Variants in SLC16A7 observed in about 807,000 individuals in gnomAD.
SLC16A7 encodes the protein solute carrier family 16 member 7.
In SLC16A7, 33 loss-of-function variants were observed where a neutral mutation model predicts 34.9. The observed-to-expected ratio is 0.94, with a 90% CI of 0.72 to 1.26. The LOEUF is 1.26. Among genes scored for constraint, SLC16A7 ranks in the 50% most tolerant of loss-of-function variants. The pLI is 0.00. For synonymous variants in SLC16A7, 201 were observed against 206.6 expected (o/e 0.97, Z 0.23); for missense variants, 573 against 578.1 (o/e 0.99, Z 0.09).
chr12:59,751,944 T>C (rs947337675), intron 3 of SLC16A7, among the ~76,000 whole-genome samples: 5 of 152,096 alleles, frequency 3.3e-5, no homozygotes, highest in African/African-American at 1.2e-4. Context: ...GCATTAGCGG[T>C]TCACGAAAAT....
chr12:59,694,349 A>C (rs1196470925), intron 2 of SLC16A7, among the ~76,000 whole-genome samples: 3 of 151,940 alleles, frequency 2.0e-5, no homozygotes, highest in African/African-American at 7.2e-5. Context: ...TTTTAAAAAA[A>C]CTTTTAAACC....
intron 3 of SLC16A7, among the ~76,000 whole-genome samples, chr12:59,707,502 C>T (rs1277598276): frequency 4.0e-5 from 6 of 151,744 alleles, no homozygotes; most frequent in Non-Finnish European, 7.4e-5. Context: ...TTATTTTATT[C>T]ATACTTATTT....
chr12:59,761,192 A>C, intron 3 of SLC16A7: 1 of 1,264,924 alleles, frequency 7.9e-7, no homozygotes, highest in Non-Finnish European at 1.0e-6. Flanking sequence ...CTCAATCAGG[A>C]TCATGCCTAG....
chr12:59,750,319 G>C (rs577569210), intron 3 of SLC16A7, among the ~76,000 whole-genome samples: 2 of 152,030 alleles, frequency 1.3e-5, no homozygotes, highest in East Asian at 3.9e-4. Context: ...CTATCCATCC[G>C]ACAAAGGGCT....
intron 3 of SLC16A7, among the ~76,000 whole-genome samples, chr12:59,765,367 T>C (rs896783336): frequency 1.3e-5 from 2 of 152,248 alleles, no homozygotes; most frequent in African/African-American, 4.8e-5. Flanking sequence ...TTGGCTTTTG[T>C]TGCCGTTGCT....
At chr12:59,688,619 G>C (rs1871335022) in intron 2 of SLC16A7, among the ~76,000 whole-genome samples, 1 of 152,070 alleles carries the variant, frequency 6.6e-6, no homozygotes, top group African/African-American at 2.4e-5. Flanking sequence ...ATCAGCAAAT[G>C]TTATTTATAT....
intron 3 of SLC16A7, among the ~76,000 whole-genome samples, chr12:59,754,259 A>T (rs1244245340): frequency 6.6e-6 from 1 of 152,184 alleles, no homozygotes; most frequent in African/African-American, 2.4e-5. Flanking sequence ...CTAAAATCAG[A>T]GCAGAACTGA....
chr12:59,672,195 TATATAC>T (rs1869910217), intron 2 of SLC16A7, among the ~76,000 whole-genome samples: 1 of 52,650 alleles, frequency 1.9e-5, no homozygotes, highest in Non-Finnish European at 4.6e-5. Context: ...TATATACGTA[TATATAC>T]ATATATACGT....
At position 59,678,791 on chromosome 12, in the gene SLC16A7, T is replaced by G. The variant is rs546412244; in HGVS notation, c.-31+23541T>G. On this transcript the variant is annotated intron_variant, in intron 2 of 5. Coordinates refer to ENST00000547379, the MANE Select transcript of SLC16A7 (RefSeq NM_001270623.2). ...TCCCTTTCTGCCCAGGAGTCTGTCT[T>G]CTGAAGCTGTTCATGATGCACAGGC... Among the ~76,000 whole-genome samples, 150 of 152,244 alleles carry G rather than the reference T, an allele frequency of 9.9e-4. 1 individual carries two copies. The highest frequency in any genetic ancestry group is 2.8e-3 in the African/African-American group (117 of 41,566).
At chr12:59,754,328 T>G (rs1254623886) in intron 3 of SLC16A7, among the ~76,000 whole-genome samples, 8 of 152,012 alleles carry the variant, frequency 5.3e-5, no homozygotes, top group Admixed American at 5.2e-4. Context: ...GCCGGTTTTT[T>G]GAAAGGATCA....
chr12:59,613,173 G>A (rs1168181956), intron 1 of SLC16A7, among the ~76,000 whole-genome samples: 1 of 152,254 alleles, frequency 6.6e-6, no homozygotes, highest in African/African-American at 2.4e-5. Context: ...TATGGTGGAA[G>A]GGGAAGCAAA....
At chr12:59,764,838 G>A (rs922703846) in intron 3 of SLC16A7, among the ~76,000 whole-genome samples, 6 of 152,072 alleles carry the variant, frequency 3.9e-5, no homozygotes, top group African/African-American at 7.2e-5. Flanking sequence ...AATCCTTTGG[G>A]TATATACCCA....
At chr12:59,752,378 A>G (rs1879690959) in intron 3 of SLC16A7, among the ~76,000 whole-genome samples, 1 of 152,178 alleles carries the variant, frequency 6.6e-6, no homozygotes, top group Non-Finnish European at 1.5e-5. Flanking sequence ...ACGAATGTAT[A>G]ACTAGAATAA....
chr12:59,652,489 A>G (rs1392361853), intron 1 of SLC16A7, among the ~76,000 whole-genome samples: 2 of 151,964 alleles, frequency 1.3e-5, no homozygotes, highest in Non-Finnish European at 1.5e-5. Context: ...AGAGTATTCT[A>G]TTAAAATAGC....
chr12:59,740,261 A>G (rs1438552374), intron 3 of SLC16A7, among the ~76,000 whole-genome samples: 1 of 151,900 alleles, frequency 6.6e-6, no homozygotes, highest in Non-Finnish European at 1.5e-5. Context: ...CTTTCTACAT[A>G]TGGCTAGCCA....
chr12:59,702,431 T>C (rs944306244), intron 2 of SLC16A7, among the ~76,000 whole-genome samples: 1 of 152,038 alleles, frequency 6.6e-6, no homozygotes, highest in African/African-American at 2.4e-5. Flanking sequence ...GCTGTACACA[T>C]GCTGAAAACA....
chr12:59,777,165 G>A (rs1368772536), intron 5 of SLC16A7, among the ~76,000 whole-genome samples: 1 of 152,176 alleles, frequency 6.6e-6, no homozygotes, highest in Non-Finnish European at 1.5e-5. Flanking sequence ...ATTTTTGAAT[G>A]CTTATTGTGT....
intron 3 of SLC16A7, among the ~76,000 whole-genome samples, chr12:59,724,818 G>T (rs1019584329): frequency 6.6e-6 from 1 of 151,852 alleles, no homozygotes; most frequent in Non-Finnish European, 1.5e-5. Context: ...TAAAAATTAG[G>T]ATGTATATGG....
rs138132258 is a variant in SLC16A7, at chr12:59,613,004, G to A, written c.-130+16768G>A. ...CCAAAGTCGCTTCCACATATTTGGGGATCTTTACAGCAGCACCCCACTCCT... is the reference window on the plus strand; with the variant it reads ...CCAAAGTCGCTTCCACATATTTGGGAATCTTTACAGCAGCACCCCACTCCT... On this transcript the variant is annotated intron_variant, in intron 1 of 5. Transcript: ENST00000547379. Among the ~76,000 whole-genome samples, 313 of 152,272 alleles carry A rather than the reference G, an allele frequency of 2.1e-3. 1 individual carries two copies. Among genetic ancestry groups the A allele is most frequent in the South Asian group, 3.3e-3 (16 of 4,822 alleles).
Sources: allele counts gnomAD v4.1 joint callset (sites outside exome capture counted in the v4.1 genomes callset), GRCh38; gene constraint gnomAD v4.1.1; transcripts MANE v1.5; gene names NCBI Gene and HGNC (gene_info 2026-07-23, HGNC 2026-07-21).